The following PARM1 variants were observed in gnomAD, a reference collection of about 807,000 sequenced individuals.
PARM1 encodes the protein prostate androgen-regulated mucin-like protein 1.
In PARM1, 14 loss-of-function variants were observed where a neutral mutation model predicts 24.6. The ratio of observed to expected loss-of-function variants is 0.57; its 90% CI spans 0.38 to 0.89. PARM1 has a LOEUF of 0.89. Among genes scored for constraint, PARM1 ranks in the 40% least tolerant of loss-of-function variants. The probability of loss-of-function intolerance (pLI) is 0.00; values close to 1 mark genes in which losing one functional copy is unlikely to be tolerated. For missense variants in PARM1, 362 were observed against 380.4 expected (o/e 0.95, Z 0.40); for synonymous variants, 179 against 156.6 (o/e 1.14, Z -1.07).
At chr4:74,984,443 A>C (rs530813764) in intron 1 of PARM1, among the ~76,000 whole-genome samples, 1 of 152,298 alleles carries the variant, frequency 6.6e-6, no homozygotes, top group East Asian at 1.9e-4. Flanking sequence ...CTACACACAT[A>C]CCTGTAACCT....
intron 1 of PARM1, among the ~76,000 whole-genome samples, chr4:74,963,697 T>G (rs2109990680): frequency 6.6e-6 from 1 of 152,256 alleles, no homozygotes; most frequent in Admixed American, 6.5e-5. Context: ...AGTTTCTGTT[T>G]GGGATGATTG....
chr4:74,966,905 C>T (rs929026153), intron 1 of PARM1: 2 of 152,118 alleles, frequency 1.3e-5, no homozygotes, highest in South Asian at 4.1e-4. Flanking sequence ...GGTTTGTGGT[C>T]CTGGAGACAG....
chr4:74,977,470 A>C (rs935525705), intron 1 of PARM1, among the ~76,000 whole-genome samples: 2 of 152,166 alleles, frequency 1.3e-5, no homozygotes, highest in Admixed American at 1.3e-4. Context: ...ATTATGTAAA[A>C]AGGCTGAACC....
chr4:74,987,905 G>A (rs1722387233), intron 1 of PARM1, among the ~76,000 whole-genome samples: 1 of 152,166 alleles, frequency 6.6e-6, no homozygotes, highest in South Asian at 2.1e-4. Context: ...ATTCTTGATT[G>A]TGTTATTTCA....
In PARM1 at chr4:75,009,627, G is replaced by A. The variant is rs116931789; in HGVS notation, c.44-2798G>A. On this transcript the variant is annotated intron_variant, in intron 1 of 3. Coordinates refer to ENST00000307428, the MANE Select transcript of PARM1 (RefSeq NM_015393.4). ...TACCAGGTAGGCAGCCCTCCCTGAG[G>A]AAGCCATGATGGATGTGGCCATAAC... Among the ~76,000 whole-genome samples, 239 of 152,324 alleles carry A rather than the reference G, an allele frequency of 1.6e-3. 4 individuals are homozygous for A. In the East Asian group the frequency reaches 0.044, roughly 28 times the overall value.
intron 2 of PARM1, among the ~76,000 whole-genome samples, chr4:75,029,301 G>A (rs1309568914): frequency 1.3e-5 from 2 of 152,166 alleles, no homozygotes; most frequent in Non-Finnish European, 2.9e-5. Context: ...CTTCCAGGAT[G>A]TTATCTGACT....
In PARM1 at chr4:74,933,239, G is replaced by C; in HGVS notation, c.-89G>C. On this transcript the variant is annotated 5_prime_UTR_variant, in exon 1 of 4. Coordinates refer to ENST00000307428, the MANE Select transcript of PARM1 (RefSeq NM_015393.4). ...GGCTCCCACCGCAGCCCACCCGGCA[G>C]AGGAGTCGCTACCAGCGCCCAGTGC... The C allele has an allele frequency of 3.4e-6, 4 of 1,180,240 alleles. No homozygotes were observed. 73.1% of individuals were successfully genotyped at this position (1,180,240 alleles called of 1,614,324 possible).
At chr4:75,003,562 TACTC>T (rs762441642) in intron 1 of PARM1, among the ~76,000 whole-genome samples, 105 of 152,178 alleles carry the variant, frequency 6.9e-4, no homozygotes, top group Non-Finnish European at 2.5e-4. Context: ...ATAAGCAAAA[TACTC>T]AGGAGAATAT....
At position 74,942,844 on chromosome 4, in the gene PARM1, T is replaced by A. The variant is rs1434205685; in HGVS notation, c.43+9474T>A. ...TCATTGGAACTATATCAGTCACTGC[T>A]CTGTTCAGAGCCCTGTAATGGCTCC... On this transcript the variant is annotated intron_variant, in intron 1 of 3. Coordinates refer to ENST00000307428, the MANE Select transcript of PARM1 (RefSeq NM_015393.4). Among the ~76,000 whole-genome samples, 6 of 152,324 alleles carry A rather than the reference T, an allele frequency of 3.9e-5. No homozygotes were observed. In the East Asian group the frequency reaches 7.7e-4, roughly 20 times the overall value.
At chr4:74,992,613 C>T (rs1387023878) in intron 1 of PARM1, among the ~76,000 whole-genome samples, 2 of 152,098 alleles carry the variant, frequency 1.3e-5, no homozygotes, top group African/African-American at 4.8e-5. Context: ...AATAAAACCA[C>T]AATTAGTATA....
intron 1 of PARM1, among the ~76,000 whole-genome samples, chr4:75,008,752 A>G (rs183745094): frequency 2.4e-4 from 37 of 152,324 alleles, no homozygotes; most frequent in Non-Finnish European, 3.5e-4. Flanking sequence ...GAAAAGCTCA[A>G]TAAATTCTTG....
chr4:75,007,729 G>A (rs943929907), intron 1 of PARM1, among the ~76,000 whole-genome samples: 4 of 152,180 alleles, frequency 2.6e-5, no homozygotes, highest in Non-Finnish European at 4.4e-5. Context: ...ATTTGAGGAT[G>A]GGGCCTCTAG....
intron 1 of PARM1, among the ~76,000 whole-genome samples, chr4:74,936,912 G>A (rs1165904948): frequency 6.6e-6 from 1 of 152,012 alleles, no homozygotes; most frequent in Non-Finnish European, 1.5e-5. Flanking sequence ...TATTTCTACC[G>A]CCCTGGGTCT....
At chr4:75,009,514 C>T (rs926661368) in intron 1 of PARM1, among the ~76,000 whole-genome samples, 2 of 152,136 alleles carry the variant, frequency 1.3e-5, no homozygotes, top group African/African-American at 4.8e-5. Context: ...AGTTGAAGAC[C>T]TAACTAGACA....
At chr4:74,963,345 T>C (rs914730281) in intron 1 of PARM1, among the ~76,000 whole-genome samples, 3 of 152,242 alleles carry the variant, frequency 2.0e-5, no homozygotes, top group Admixed American at 2.0e-4. Context: ...TTCAAACAGA[T>C]ACTTTTAGGT....
At chr4:75,039,947 A>C (rs1467643271) in intron 3 of PARM1, among the ~76,000 whole-genome samples, 1 of 152,098 alleles carries the variant, frequency 6.6e-6, no homozygotes, top group Non-Finnish European at 1.5e-5. Context: ...GCCTTCATCC[A>C]CCTTTCCATA....
intron 1 of PARM1, among the ~76,000 whole-genome samples, chr4:74,938,814 G>A (rs1721244034): frequency 1.3e-5 from 2 of 152,126 alleles, no homozygotes; most frequent in South Asian, 4.1e-4. Flanking sequence ...ATAGATGTTG[G>A]GAACTTTGCC....
At chr4:75,016,952 C>T (rs1168123345) in intron 2 of PARM1, among the ~76,000 whole-genome samples, 4 of 152,182 alleles carry the variant, frequency 2.6e-5, no homozygotes, top group African/African-American at 9.7e-5. Flanking sequence ...GCATCTCACA[C>T]TTAATATGTC....
At position 74,982,809 on chromosome 4, in the gene PARM1, C is replaced by T. The variant is rs576505143; in HGVS notation, c.44-29616C>T. Among the ~76,000 whole-genome samples, 10 of 152,346 alleles carry T rather than the reference C, an allele frequency of 6.6e-5. No individual in the cohort carries two copies. The South Asian group carries it at 2.1e-3, about 32-fold the overall frequency. ...ATGCTTGAATTAAGTTGTCACCATTCCATGACACGTACAGTTTAGTCCTAA... is the reference window on the plus strand; with the variant it reads ...ATGCTTGAATTAAGTTGTCACCATTTCATGACACGTACAGTTTAGTCCTAA... On this transcript the variant is annotated intron_variant, in intron 1 of 3. Coordinates refer to ENST00000307428, the MANE Select transcript of PARM1 (RefSeq NM_015393.4).
Sources: gnomAD v4.1 joint callset for allele counts (sites outside exome capture counted in the v4.1 genomes callset) on GRCh38, gnomAD v4.1.1 for gene constraint, MANE v1.5 for transcripts, NCBI Gene and HGNC (gene_info 2026-07-23, HGNC 2026-07-21) for gene names.